The following BCL2 variants were observed in gnomAD, a reference collection of about 807,000 sequenced individuals.
The protein encoded by BCL2 is apoptosis regulator Bcl-2.
BCL2 carries 1 observed loss-of-function variant against 14.2 expected under a neutral mutation model. That is an observed-to-expected ratio of 0.07 (90% CI 0.02 to 0.33). The LOEUF is 0.33. Ranked by LOEUF, BCL2 falls within the 10% of genes least tolerant of loss-of-function variation. The pLI is 0.99. For missense variants in BCL2, 247 were observed against 305.9 expected, an observed-to-expected ratio of 0.81 and a Z score of 1.44; for synonymous variants, 151 against 137.2, an observed-to-expected ratio of 1.10 and a Z score of -0.70.
At chr18:63,244,812 A>G (rs1404809654) in intron 2 of BCL2, among the ~76,000 whole-genome samples, 1 of 152,116 alleles carries the variant, frequency 6.6e-6, no homozygotes, top group African/African-American at 2.4e-5. Flanking sequence ...GCCTCTGTGG[A>G]TTCCTTTTTT....
chr18:63,169,332 C>CTTTCTTTCTTTCTTTCTTT (rs1555697348), intron 2 of BCL2, among the ~76,000 whole-genome samples: 4 of 35,764 alleles, frequency 1.1e-4, no homozygotes, highest in South Asian at 1.4e-3. Flanking sequence ...TCTTTCCTTT[C>CTTTCTTTCTTTCTTTCTTT]CTTCCTTTCT....
intron 2 of BCL2, among the ~76,000 whole-genome samples, chr18:63,238,254 T>C (rs1199845749): frequency 6.6e-6 from 1 of 152,212 alleles, no homozygotes; most frequent in Non-Finnish European, 1.5e-5. Flanking sequence ...ATGATCTTGC[T>C]AAGGCCTGTG....
At chr18:63,206,354 C>T (rs551962645) in intron 2 of BCL2, among the ~76,000 whole-genome samples, 9 of 152,364 alleles carry the variant, frequency 5.9e-5, no homozygotes, top group South Asian at 4.1e-4. Context: ...GAAGTGCACA[C>T]GCTTGTCTCA....
intron 2 of BCL2, among the ~76,000 whole-genome samples, chr18:63,213,951 C>T (rs893861012): frequency 3.3e-5 from 5 of 152,224 alleles, no homozygotes; most frequent in Admixed American, 2.6e-4. Context: ...GGGAGAAGCA[C>T]TCTGTCAAAT....
rs1913955914 is a variant in BCL2, at chr18:63,128,013, C to T, written c.*612G>A. The T allele has an allele frequency of 4.4e-6, 1 of 225,856 alleles. No individual in the cohort carries two copies. Among genetic ancestry groups the T allele is most frequent in the South Asian group, 1.8e-4 (1 of 5,462 alleles). The allele number at this position is 225,856 out of a possible 1,614,324, so 14.0% of individuals were successfully genotyped here. On this transcript the variant is annotated 3_prime_UTR_variant, in exon 3 of 3. Coordinates refer to ENST00000333681, the MANE Select transcript of BCL2 (RefSeq NM_000633.3). ...CTGAAGTTCCCAACTCTTTTCCTCC[C>T]ACCAGGTATGCATCATGTGAGTCAT...
At chr18:63,164,503 C>T (rs1914995328) in intron 2 of BCL2, among the ~76,000 whole-genome samples, 1 of 152,150 alleles carries the variant, frequency 6.6e-6, no homozygotes, top group Non-Finnish European at 1.5e-5. Context: ...TGCTTAAGTA[C>T]CATGAGGCTT....
At position 63,227,776 on chromosome 18, in the gene BCL2, A is replaced by C. The variant is rs560262802; in HGVS notation, c.585+90306T>G. On this transcript the variant is annotated intron_variant, in intron 2 of 2. Transcript: ENST00000333681. Reference sequence around the variant, plus strand: ...AGAAAACCTCAGATTGGATTTTTTAAAACTCCAGCTCTTTACAAGAAAGAA... The same window carrying C: ...AGAAAACCTCAGATTGGATTTTTTACAACTCCAGCTCTTTACAAGAAAGAA... Among the ~76,000 whole-genome samples, 13 of 152,354 alleles carry C rather than the reference A, an allele frequency of 8.5e-5. No individual in the cohort carries two copies. The East Asian group carries it at 2.1e-3, about 25-fold the overall frequency.
chr18:63,146,480 G>A (rs1167284147), intron 2 of BCL2, among the ~76,000 whole-genome samples: 6 of 152,240 alleles, frequency 3.9e-5, no homozygotes, highest in Admixed American at 3.9e-4. Context: ...TGCGATCCAC[G>A]CTGGAGTCAG....
intron 2 of BCL2, among the ~76,000 whole-genome samples, chr18:63,300,253 C>T (rs541100812): frequency 6.6e-6 from 1 of 152,078 alleles, no homozygotes; most frequent in African/African-American, 2.4e-5. Flanking sequence ...CAAGTTCCTA[C>T]TAATTCTCTA....
intron 2 of BCL2, among the ~76,000 whole-genome samples, chr18:63,222,454 C>T (rs1910423862): frequency 6.6e-6 from 1 of 151,244 alleles, no homozygotes; most frequent in Non-Finnish European, 1.5e-5. Context: ...TGGAAAGATA[C>T]AATCTCAAAT....
intron 2 of BCL2, among the ~76,000 whole-genome samples, chr18:63,209,942 CCAGACACCTGCTGAAA>C: frequency 1.3e-5 from 2 of 152,142 alleles, no homozygotes; most frequent in African/African-American, 4.8e-5. Context: ...TGTTATGGCT[CCAGACACCTGCTGAAA>C]TTGGTGCATG....
intron 2 of BCL2, among the ~76,000 whole-genome samples, chr18:63,133,211 A>G (rs541515365): frequency 1.3e-5 from 2 of 150,672 alleles, no homozygotes; most frequent in East Asian, 3.9e-4. Context: ...CAGGGTCAAG[A>G]CTCCTAAACT....
intron 2 of BCL2, among the ~76,000 whole-genome samples, chr18:63,259,983 T>C (rs940385506): frequency 1.3e-5 from 2 of 152,362 alleles, no homozygotes; most frequent in Non-Finnish European, 2.9e-5. Flanking sequence ...TCTCCGTTTT[T>C]GCTTTTAAAA....
intron 2 of BCL2, among the ~76,000 whole-genome samples, chr18:63,249,603 G>A (rs549921650): frequency 4.0e-5 from 6 of 151,654 alleles, no homozygotes; most frequent in Admixed American, 6.6e-5. Context: ...CCAGCTACTC[G>A]GGAGGCTGAG....
chr18:63,259,288 G>A (rs375677342), intron 2 of BCL2, among the ~76,000 whole-genome samples: 1 of 152,270 alleles, frequency 6.6e-6, no homozygotes, highest in Non-Finnish European at 1.5e-5. Flanking sequence ...AAAGAAAGCG[G>A]GCAGCGTGTA....
chr18:63,168,619 C>T (rs1395087981), intron 2 of BCL2, among the ~76,000 whole-genome samples: 1 of 152,212 alleles, frequency 6.6e-6, no homozygotes, highest in African/African-American at 2.4e-5. Flanking sequence ...GATGCTCAAA[C>T]TCAGAATGCT....
intron 2 of BCL2, among the ~76,000 whole-genome samples, chr18:63,157,177 A>G (rs1914804939): frequency 6.6e-6 from 1 of 152,246 alleles, no homozygotes; most frequent in Non-Finnish European, 1.5e-5. Context: ...AGAAGGCAAG[A>G]AACTGAAGGA....
chr18:63,169,459 T>C (rs1207140165), intron 2 of BCL2, among the ~76,000 whole-genome samples: 2 of 145,864 alleles, frequency 1.4e-5, no homozygotes, highest in African/African-American at 5.1e-5. Flanking sequence ...TCTCCCTCTC[T>C]CTCCCTCCCT....
intron 2 of BCL2, among the ~76,000 whole-genome samples, chr18:63,169,369 C>CTTTCTCTT (rs372286465): frequency 1.4e-5 from 1 of 69,546 alleles, no homozygotes; most frequent in African/African-American, 9.9e-5. Context: ...TTCTTTCTTT[C>CTTTCTCTT]TCTTTCTTTC....
Sources: gnomAD v4.1 joint callset for allele counts (sites outside exome capture counted in the v4.1 genomes callset) on GRCh38, gnomAD v4.1.1 for gene constraint, MANE v1.5 for transcripts, NCBI Gene and HGNC (gene_info 2026-07-23, HGNC 2026-07-21) for gene names.